METTL9: variants seen among roughly 807,000 people sequenced by gnomAD.
The protein encoded by METTL9 is protein-L-histidine N-pros-methyltransferase.
A neutral mutation model predicts 36.0 loss-of-function variants in METTL9; 10 were observed. The observed-to-expected ratio is 0.28, with a 90% CI of 0.17 to 0.47. METTL9 has a LOEUF of 0.47. METTL9 is among the 20% of genes least tolerant of loss of function. The pLI, the probability that METTL9 is intolerant of heterozygous loss-of-function variation, is 0.99. For synonymous variants in METTL9, 175 were observed against 149.7 expected, an observed-to-expected ratio of 1.17 and a Z score of -1.23; for missense variants, 246 against 383.5, an observed-to-expected ratio of 0.64 and a Z score of 3.00.
upstream of METTL9, chr16:21,599,509 G>A (rs1186960629): frequency 2.4e-6 from 3 of 1,240,498 alleles, no homozygotes; most frequent in Non-Finnish European, 3.0e-6. The surrounding 1 kb of genome is among the most constrained non-coding windows in gnomAD (Gnocchi z 4.4). Flanking sequence ...GGAAACTGGT[G>A]CAGGGGGCAG....
At chr16:21,629,181 G>A (rs980641165) in intron 4 of METTL9, among the ~76,000 whole-genome samples, 1 of 151,998 alleles carries the variant, frequency 6.6e-6, no homozygotes, top group African/African-American at 2.4e-5. Context: ...CCCTCTTAAA[G>A]TTGTGTTATA....
intron 1 of METTL9, among the ~76,000 whole-genome samples, chr16:21,604,634 G>C (rs1453180113): frequency 6.6e-6 from 1 of 152,142 alleles, no homozygotes; most frequent in Non-Finnish European, 1.5e-5. Context: ...GAATATTTAC[G>C]CCTATGCTGT....
intron 4 of METTL9, among the ~76,000 whole-genome samples, chr16:21,632,342 G>A (rs1466811036): frequency 2.0e-5 from 3 of 152,212 alleles, no homozygotes; most frequent in Admixed American, 6.5e-5. Context: ...ACTGGGCACT[G>A]GTCCCTGGGG....
intron 4 of METTL9, among the ~76,000 whole-genome samples, chr16:21,637,400 C>T (rs759231996): frequency 2.0e-5 from 3 of 152,180 alleles, no homozygotes; most frequent in Non-Finnish European, 4.4e-5. Context: ...TATTTATAAA[C>T]CATTAGCTAG....
chr16:21,647,358 A>C (rs1349766840), intron 4 of METTL9: 20 of 1,613,960 alleles, frequency 1.2e-5, no homozygotes, highest in Non-Finnish European at 1.5e-5. Context: ...CCGTAGCGAA[A>C]CCACAGGCAT....
intron 4 of METTL9, chr16:21,652,717 CT>C (rs1966610771): frequency 1.4e-6 from 1 of 702,372 alleles, no homozygotes; most frequent in South Asian, 2.2e-5. Flanking sequence ...TAATCAGGAA[CT>C]TTTTGAAATT....
chr16:21,618,087 T>C lies in METTL9; in HGVS notation c.566+13T>C. On this transcript the variant is annotated intron_variant, in intron 3 of 4. Coordinates refer to ENST00000358154, the MANE Select transcript of METTL9 (RefSeq NM_016025.5). ...AAAAGAAATACAGGTATAATTTTCT[T>C]GGTTTTAGATGCATTTCTTCTTGAA... 2 of 1,489,972 alleles carry C rather than the reference T, an allele frequency of 1.3e-6. No homozygotes were observed. Among genetic ancestry groups the C allele is most frequent in the South Asian group, 2.7e-5 (2 of 75,346 alleles). The allele number at this position is 1,489,972 out of a possible 1,614,324, so 92.3% of individuals were successfully genotyped here.
intron 4 of METTL9, chr16:21,642,263 T>C: frequency 6.6e-6 from 1 of 152,158 alleles, no homozygotes; most frequent in African/African-American, 2.4e-5. Context: ...GAGGAAAATA[T>C]CTTTACTAGT....
rs143782603 is a variant in METTL9, at chr16:21,608,224, C to T, written c.166-4421C>T. Among the ~76,000 whole-genome samples, 11 of 152,218 alleles carry T rather than the reference C, an allele frequency of 7.2e-5. No homozygotes were observed. The East Asian group carries it at 1.7e-3, about 24-fold the overall frequency. The stretch of plus-strand genomic sequence containing the variant: ...AAGCCACCCAGTGCTGCGAGCTTAG[C>T]GTAGCTTTTTATCTAAGCTGGTTGT... On this transcript the variant is annotated intron_variant, in intron 1 of 4. Coordinates refer to ENST00000358154, the MANE Select transcript of METTL9 (RefSeq NM_016025.5).
intron 1 of METTL9, among the ~76,000 whole-genome samples, chr16:21,608,468 C>T (rs148726904): frequency 6.6e-6 from 1 of 152,198 alleles, no homozygotes; most frequent in Non-Finnish European, 1.5e-5. Context: ...CCAGCGAGTC[C>T]ATCTTTTAAT....
chr16:21,655,186 G>A (rs1211765646), intron 4 of METTL9, 41 bp from the exon 5 acceptor site: 3 of 1,572,194 alleles, frequency 1.9e-6, no homozygotes, highest in African/African-American at 2.7e-5. Flanking sequence ...TAAATCACTT[G>A]TTTGTTCAAG....
At chr16:21,615,370 G>A (rs1450966589) in intron 2 of METTL9, among the ~76,000 whole-genome samples, 2 of 152,080 alleles carry the variant, frequency 1.3e-5, no homozygotes, top group African/African-American at 4.8e-5. Context: ...GCTGGGACTA[G>A]AGGCTCATGC....
chr16:21,630,208 C>T (rs561511383), intron 4 of METTL9, among the ~76,000 whole-genome samples: 39 of 152,358 alleles, frequency 2.6e-4, no homozygotes, highest in East Asian at 2.5e-3. Flanking sequence ...CTGGGCACTC[C>T]GACAGCCCAG....
intron 4 of METTL9, among the ~76,000 whole-genome samples, chr16:21,638,446 T>A (rs1966162066): frequency 6.6e-6 from 1 of 152,192 alleles, no homozygotes; most frequent in Admixed American, 6.5e-5. Context: ...GGGACTGAAG[T>A]ATGCTACATA....
chr16:21,626,236 C>T (rs962308033), intron 4 of METTL9, among the ~76,000 whole-genome samples: 2 of 152,062 alleles, frequency 1.3e-5, no homozygotes, highest in African/African-American at 2.4e-5. Flanking sequence ...TTCACTGCCT[C>T]GATTGACCTT....
At chr16:21,617,498 C>T (rs1009288614) in intron 2 of METTL9, among the ~76,000 whole-genome samples, 16 of 151,198 alleles carry the variant, frequency 1.1e-4, no homozygotes, top group Non-Finnish European at 2.2e-4. Context: ...GAGGCCGAGG[C>T]GGGTAGATCA....
chr16:21,635,281 G>A lies in METTL9; in HGVS notation c.751+10166G>A, dbSNP rs1422065174. 4.6e-5 allele frequency among the ~76,000 whole-genome samples: 7 copies of A among 152,122 alleles called. No homozygotes were observed. The East Asian group carries it at 1.4e-3, about 29-fold the overall frequency. Reference sequence around the variant, plus strand: ...TGGGCCAAATTCCCCTCCCCCTACAGCTTGAAGGGAACATAACCGATAGCC... The same window carrying A: ...TGGGCCAAATTCCCCTCCCCCTACAACTTGAAGGGAACATAACCGATAGCC... On this transcript the variant is annotated intron_variant, in intron 4 of 4. Transcript: ENST00000358154.
At chr16:21,626,913 AT>A in intron 4 of METTL9, 2 of 972,136 alleles carry the variant, frequency 2.1e-6, no homozygotes, top group Non-Finnish European at 1.2e-6. Flanking sequence ...CACGAATTTT[AT>A]TTCCTTGTGT....
Position 21,607,927 on chromosome 16 carries a change from T to A in METTL9, c.166-4718T>A, listed in dbSNP as rs530311836. ...ACTTTGCGAGGCCGAGGCAGGCAGA[T>A]CACCTGAGGTCAGGAGATCAAGACC... On this transcript the variant is annotated intron_variant, in intron 1 of 4. Coordinates refer to ENST00000358154, the MANE Select transcript of METTL9 (RefSeq NM_016025.5). 5.9e-5 allele frequency among the ~76,000 whole-genome samples: 9 copies of A among 152,230 alleles called. No individual in the cohort carries two copies. The South Asian group carries it at 8.3e-4, about 14-fold the overall frequency.
Sources: allele counts gnomAD v4.1 joint callset (sites outside exome capture counted in the v4.1 genomes callset), GRCh38; gene constraint gnomAD v4.1.1; non-coding constraint Gnocchi (gnomAD v3.1); transcripts MANE v1.5; gene names NCBI Gene and HGNC (gene_info 2026-07-23, HGNC 2026-07-21).